ELMO2: variants seen among roughly 807,000 people sequenced by gnomAD.
ELMO2 encodes engulfment and cell motility protein 2.
Under a neutral mutation model 96.2 loss-of-function variants are expected in ELMO2, and 37 were observed. The ratio of observed to expected loss-of-function variants is 0.38; its 90% CI spans 0.30 to 0.51. The LOEUF is 0.51. Among genes scored for constraint, ELMO2 ranks in the 20% least tolerant of loss-of-function variants. The pLI is 0.88. For missense variants in ELMO2, 561 were observed against 912.6 expected (o/e 0.61, Z 4.96); for synonymous variants, 315 against 329.4 (o/e 0.96, Z 0.47).
At position 46,374,098 on chromosome 20, in the gene ELMO2, G is replaced by GTTT. The variant is rs60843274; in HGVS notation, c.1279+231_1279+233dup. ...TGCACTACCAGTTGGCTAATTTTTG[G>GTTT]TTTTTTTTTTTTTTTTTTTTTTTTT... is the stretch of plus-strand genomic sequence containing the variant. On this transcript the variant is annotated intron_variant, in intron 15 of 21. Coordinates refer to ENST00000290246, the MANE Select transcript of ELMO2 (RefSeq NM_133171.5). 1.6e-4 allele frequency among the ~76,000 whole-genome samples: 10 copies of GTTT among 63,026 alleles called. 1 individual carries two copies. The highest frequency in any genetic ancestry group is 7.1e-4 in the South Asian group (1 of 1,400). 41.3% of individuals were successfully genotyped at this position (63,026 alleles called of 152,430 possible). A position where few individuals can be genotyped will look rare whatever the true frequency, so the allele number is the denominator to read the frequency against.
intron 21 of ELMO2, 124 bp downstream of exon 21, chr20:46,368,767 C>T: frequency 1.0e-6 from 1 of 976,618 alleles, no homozygotes; most frequent in South Asian, 1.5e-5. Context: ...TCAAAGCCTT[C>T]CTAGGCTTCA....
At chr20:46,383,555 TAGAA>T in intron 9 of ELMO2, 61 bp from the exon 10 acceptor site, 2 of 1,434,370 alleles carry the variant, frequency 1.4e-6, no homozygotes, top group Non-Finnish European at 2.0e-6. Flanking sequence ...AGATGATGCT[TAGAA>T]ATGGTTTAAA....
chr20:46,395,435 C>T (rs962132025), intron 2 of ELMO2, among the ~76,000 whole-genome samples: 3 of 152,200 alleles, frequency 2.0e-5, no homozygotes, highest in African/African-American at 7.2e-5. Flanking sequence ...ACACTCCTTG[C>T]CTACAAGTTC....
intron 10 of ELMO2, among the ~76,000 whole-genome samples, chr20:46,380,700 C>T (rs1395156900): frequency 6.6e-6 from 1 of 152,162 alleles, no homozygotes; most frequent in East Asian, 1.9e-4. Context: ...CTAGAAGGAA[C>T]TCTAGTGAAG....
intron 1 of ELMO2, among the ~76,000 whole-genome samples, chr20:46,405,986 C>G (rs1368450183): frequency 1.3e-5 from 2 of 152,234 alleles, no homozygotes. Flanking sequence ...TAACACACTG[C>G]AACTGCCCAG....
Position 46,394,547 on chromosome 20 carries a change from T to C in ELMO2, c.-50-15A>G. 3 of 1,552,102 alleles carry C rather than the reference T, an allele frequency of 1.9e-6. No homozygotes were observed. In the South Asian group the frequency reaches 3.3e-5, roughly 17 times the overall value. ...GACACGGCTGCCTGGGGAGAAAGAA[T>C]CAGAAAGGTGGAAAAAGAGTATTTC... On this transcript the variant is annotated splice_polypyrimidine_tract_variant and intron_variant, in intron 2 of 21. Coordinates refer to ENST00000290246, the MANE Select transcript of ELMO2 (RefSeq NM_133171.5).
intron 11 of ELMO2, among the ~76,000 whole-genome samples, chr20:46,379,605 A>C (rs1437456143): frequency 3.3e-5 from 5 of 152,080 alleles, no homozygotes; most frequent in Non-Finnish European, 7.4e-5. Context: ...CTCCTCATCT[A>C]CTTGCTCCTT....
chr20:46,383,636 C>A, intron 9 of ELMO2, 142 bp from the exon 10 acceptor site: 1 of 797,806 alleles, frequency 1.3e-6, no homozygotes, highest in Non-Finnish European at 2.1e-6. Context: ...TCAAAGTGGG[C>A]ATGCTCTTGA....
At chr20:46,406,078 G>A (rs905214270) in intron 1 of ELMO2, among the ~76,000 whole-genome samples, 3 of 152,158 alleles carry the variant, frequency 2.0e-5, no homozygotes, top group Non-Finnish European at 2.9e-5. Context: ...TGAGCCAGCA[G>A]GATCCACGGG....
intron 3 of ELMO2, 141 bp from the exon 4 acceptor site, chr20:46,394,230 C>G: frequency 4.5e-6 from 5 of 1,106,890 alleles, no homozygotes; most frequent in Non-Finnish European, 6.7e-6. Flanking sequence ...AAGAGGAAGC[C>G]TCTCCCAAGC....
intron 11 of ELMO2, chr20:46,376,827 T>C: frequency 3.1e-6 from 4 of 1,282,134 alleles, no homozygotes; most frequent in Non-Finnish European, 4.1e-6. Context: ...AGGGCTGTGC[T>C]GTCCAGTATA....
At chr20:46,393,791 G>A (rs970744763) in intron 4 of ELMO2, among the ~76,000 whole-genome samples, 190 bp from the exon 5 acceptor site, 18 of 152,190 alleles carry the variant, frequency 1.2e-4, no homozygotes, top group Middle Eastern at 3.2e-3. Flanking sequence ...ACCACAATAG[G>A]AGGTGTGCAG....
chr20:46,367,628 C>T (rs2059611119), intron 21 of ELMO2, 68 bp from the exon 22 acceptor site: 2 of 1,333,306 alleles, frequency 1.5e-6, no homozygotes, highest in South Asian at 1.4e-5. Flanking sequence ...GCCAAGGTCT[C>T]TTTTCTGATG....
intron 20 of ELMO2, chr20:46,369,321 T>C (rs2059648063): frequency 5.1e-6 from 1 of 195,156 alleles, no homozygotes; most frequent in Non-Finnish European, 1.1e-5. Flanking sequence ...GTGCTGTATT[T>C]GGCATAGGAA....
At chr20:46,376,601 C>T (rs757366206) in intron 11 of ELMO2, 5 of 1,287,570 alleles carry the variant, frequency 3.9e-6, no homozygotes, top group Non-Finnish European at 5.1e-6. Flanking sequence ...AGCTGATCAA[C>T]CCTTGATTAC....
At chr20:46,370,820 C>T (rs188837709) in intron 19 of ELMO2, among the ~76,000 whole-genome samples, 52 of 152,292 alleles carry the variant, frequency 3.4e-4, no homozygotes, top group Admixed American at 5.9e-4. Flanking sequence ...TGACTCCCTT[C>T]CCCTCTCCTT....
intron 1 of ELMO2, among the ~76,000 whole-genome samples, chr20:46,405,391 C>G (rs2145869667): frequency 6.6e-6 from 1 of 152,166 alleles, no homozygotes; most frequent in South Asian, 2.1e-4. Context: ...ATAAAAGGCC[C>G]CAAGGAAGGC....
chr20:46,405,811 G>A (rs1013618401), intron 1 of ELMO2, among the ~76,000 whole-genome samples: 1 of 152,176 alleles, frequency 6.6e-6, no homozygotes, highest in Non-Finnish European at 1.5e-5. Flanking sequence ...TGGAACCTGG[G>A]AGGCGGAGGT....
chr20:46,374,257 T>A, intron 15 of ELMO2, 75 bp downstream of exon 15: 1 of 1,237,764 alleles, frequency 8.1e-7, no homozygotes, highest in South Asian at 1.2e-5. Flanking sequence ...GACATGTAAC[T>A]GTTTATAATT....
Sources: allele counts gnomAD v4.1 joint callset (sites outside exome capture counted in the v4.1 genomes callset), GRCh38; gene constraint gnomAD v4.1.1; transcripts MANE v1.5; gene names NCBI Gene and HGNC (gene_info 2026-07-23, HGNC 2026-07-21).